Variants in UBR4 observed in about 807,000 individuals in gnomAD.
UBR4 encodes the protein ubiquitin protein ligase E3 component n-recognin 4.
Under a neutral mutation model 575.6 loss-of-function variants are expected in UBR4, and 124 were observed. The ratio of observed to expected loss-of-function variants is 0.22; its 90% CI spans 0.19 to 0.25. The LOEUF (loss-of-function observed/expected upper bound fraction) is 0.25. Among genes scored for constraint, UBR4 ranks in the 10% least tolerant of loss-of-function variants. UBR4 has a pLI of 1.00. For missense variants in UBR4, 4,818 were observed against 6,478.8 expected (o/e 0.74, Z 8.80); for synonymous variants, 2,455 against 2,473.7 (o/e 0.99, Z 0.22).
chr1:19,207,602 C>A (rs1338486257), intron 1 of UBR4, among the ~76,000 whole-genome samples: 1 of 152,162 alleles, frequency 6.6e-6, no homozygotes, highest in Non-Finnish European at 1.5e-5. Context: ...GCACTCCAGC[C>A]TGGGTGACAC....
chr1:19,166,213 C>T (rs6663221), intron 29 of UBR4, among the ~76,000 whole-genome samples: 65,545 of 152,060 alleles, frequency 0.43, 14,650 homozygotes, highest in East Asian at 0.76. Context: ...TTCATTTGTA[C>T]AATTCTCCGT....
chr1:19,156,330 C>A lies in UBR4; in HGVS notation c.6013G>T (p.Ala2005Ser), dbSNP rs775361101. The A allele has an allele frequency of 6.2e-7, 1 of 1,614,202 alleles. No individual in the cohort carries two copies. The highest frequency in any genetic ancestry group is 8.5e-7 in the Non-Finnish European group (1 of 1,180,034). ...QLATGNFIIK[A>S]VWLPGSQTEL... ...GTCTGTGAACCAGGTAACCACACGG[C>A]TTTGATGATGAAGTTCCCCGTTGCC... The change falls in exon 42 of 106, where the codon GCC becomes TCC. Residue 2005 changes from alanine to serine, a missense_variant. Physicochemically the swap from Ala to Ser is moderately conservative, Grantham distance 99. This residue lies in a region of UBR4 where 461 missense variants were observed against 606.9 expected (regional missense o/e 0.76). Coordinates refer to ENST00000375254, the MANE Select transcript of UBR4 (RefSeq NM_020765.3).
At chr1:19,186,213 C>T (rs1216364254) in intron 14 of UBR4, among the ~76,000 whole-genome samples, 1 of 152,138 alleles carries the variant, frequency 6.6e-6, no homozygotes, top group Non-Finnish European at 1.5e-5. Flanking sequence ...TTGAGTTTCA[C>T]TGAGAAAGCT....
At position 19,183,854 on chromosome 1, in the gene UBR4, T is replaced by C. The variant is rs374947309; in HGVS notation, c.2141A>G (p.Asn714Ser). 75 of 1,614,142 alleles carry C rather than the reference T, an allele frequency of 4.6e-5. No individual in the cohort carries two copies. The highest frequency in any genetic ancestry group is 1.7e-4 in the Middle Eastern group (1 of 6,060). The stretch of plus-strand genomic sequence containing the variant: ...AAGGTCAGAGGTTACCAGTGAGTGG[T>C]TGAAGTGATAGAGAGCTGCAGCAAA... Reference protein sequence around the residue: ...EEFAAALYHFNHSLVTSDLQS... With the variant: ...EEFAAALYHFSHSLVTSDLQS... The change falls in exon 17 of 106, where the codon AAC becomes AGC. Residue 714 changes from asparagine (N) to serine (S), a missense_variant. Transcript: ENST00000375254.
chr1:19,143,215 AAAGG>A lies in UBR4; in HGVS notation c.8179+761_8179+764del, dbSNP rs1315545733. 2.0e-3 allele frequency among the ~76,000 whole-genome samples: 242 copies of A among 119,290 alleles called. 3 individuals carry two copies. The highest frequency in any genetic ancestry group is 3.5e-3 in the Middle Eastern group (1 of 288). 78.3% of individuals were successfully genotyped at this position (119,290 alleles called of 152,430 possible). On this transcript the variant is annotated intron_variant, in intron 55 of 105. Transcript: ENST00000375254. The stretch of plus-strand genomic sequence containing the variant: ...AAAGGAAGGAAGGAAGGAAGGAAAG[AAAGG>A]AAGGAAGGAAGGAAGGCAGGAAGGA...
At chr1:19,197,015 G>T in intron 8 of UBR4, 126 bp downstream of exon 8, 2 of 1,185,024 alleles carry the variant, frequency 1.7e-6, no homozygotes, top group Middle Eastern at 2.0e-4. Flanking sequence ...TTGATGCGAC[G>T]TTAGATGATC....
chr1:19,140,985 C>T, intron 57 of UBR4, 93 bp from the exon 58 acceptor site: 1 of 1,320,502 alleles, frequency 7.6e-7, no homozygotes. Context: ...AGTCTCCAAA[C>T]ACCAGCATGT....
chr1:19,199,255 C>T (rs912913180), intron 3 of UBR4, among the ~76,000 whole-genome samples: 4 of 152,164 alleles, frequency 2.6e-5, no homozygotes, highest in Non-Finnish European at 5.9e-5. Context: ...AGTGGTTAGC[C>T]CCTTTAGTTG....
At chr1:19,184,994 A>G (rs1278644120) in intron 15 of UBR4, 105 bp downstream of exon 15, 4 of 1,393,094 alleles carry the variant, frequency 2.9e-6, no homozygotes, top group Non-Finnish European at 4.0e-6. Flanking sequence ...ATCTTTAAAC[A>G]TTACAGTTAT....
Position 19,106,883 on chromosome 1 carries a change from G to T in UBR4, c.12189C>A (p.Asp4063Glu). The T allele has an allele frequency of 5.6e-6, 9 of 1,613,804 alleles. No individual in the cohort carries two copies. The highest frequency in any genetic ancestry group is 6.8e-6 in the Non-Finnish European group (8 of 1,179,996). Residue 4063 changes from aspartate to glutamate, a missense_variant, in exon 82 of 106, where the codon GAC (aspartate) becomes GAA (glutamate). By Grantham distance (45) the Asp-to-Glu change is conservative. Coordinates refer to ENST00000375254, the MANE Select transcript of UBR4 (RefSeq NM_020765.3). ...HAQAQLWLKR[D>E]PKASYDAWKK... Reference sequence around the variant, plus strand: ...TCCAGGCATCATAGGATGCCTTGGGGTCTCTCTTGAGCCACAGTTGAGCCT... The same window carrying T: ...TCCAGGCATCATAGGATGCCTTGGGTTCTCTCTTGAGCCACAGTTGAGCCT...
Position 19,155,380 on chromosome 1 carries a change from A to G in UBR4, c.6300+61T>C, listed in dbSNP as rs975712509. 7.5e-6 allele frequency: 11 copies of G among 1,474,736 alleles called. No individual in the cohort carries two copies. In the African/African-American group the frequency reaches 1.3e-4, roughly 17 times the overall value. 91.4% of individuals were successfully genotyped at this position (1,474,736 alleles called of 1,614,324 possible). A position where few individuals can be genotyped will look rare whatever the true frequency, so the allele number is the denominator to read the frequency against. On this transcript the variant is annotated intron_variant, in intron 43 of 105. Transcript: ENST00000375254. ...GTTATAAAAGAACAAAGAAAAAAGA[A>G]TAGAGGAGTTGCTAAATAATTAAAT...
At position 19,150,669 on chromosome 1, in the gene UBR4, G is replaced by C; in HGVS notation, c.7338C>G (p.Ser2446Arg). The change falls in exon 49 of 106, where the codon AGC (serine) becomes AGG (arginine). Residue 2446 changes from serine (S) to arginine (R), a missense_variant. By Grantham distance (110) the Ser-to-Arg change is moderately radical (BLOSUM62 -1). Around this residue, in one of 29 missense-constraint regions of UBR4, gnomAD observed 340 missense variants for 375.4 expected, o/e 0.91. Coordinates refer to ENST00000375254, the MANE Select transcript of UBR4 (RefSeq NM_020765.3). The part of the protein sequence containing the change: ...PPEEFPSASV[S>R]NICPSNLNQS... ...GGTTCAGATTTGAAGGGCAGATGTT[G>C]CTGACAGAGGCAGAAGGGAATTCTT... is the stretch of plus-strand genomic sequence containing the variant. 1 of 1,614,144 alleles carries C rather than the reference G, an allele frequency of 6.2e-7. No homozygotes were observed. Among genetic ancestry groups the C allele is most frequent in the Non-Finnish European group, 8.5e-7 (1 of 1,180,016 alleles).
intron 1 of UBR4, among the ~76,000 whole-genome samples, chr1:19,205,522 T>C (rs2092961238): frequency 6.6e-6 from 1 of 152,176 alleles, no homozygotes; most frequent in South Asian, 2.1e-4. Context: ...CTGAAAACTG[T>C]CTTTCAGATA....
At chr1:19,171,919 G>A (rs2089612373) in intron 25 of UBR4, among the ~76,000 whole-genome samples, 5 of 152,124 alleles carry the variant, frequency 3.3e-5, no homozygotes, top group Admixed American at 3.3e-4. Context: ...ATAAGCTTAA[G>A]AGAGCCCGGT....
At chr1:19,146,195 T>C in intron 52 of UBR4, 1 of 1,127,268 alleles carries the variant, frequency 8.9e-7, no homozygotes, top group South Asian at 1.5e-5. Context: ...TTCAAAGATC[T>C]CAGTTCCAAC....
chr1:19,114,433 C>T (rs2080249304), intron 75 of UBR4, among the ~76,000 whole-genome samples: 1 of 152,104 alleles, frequency 6.6e-6, no homozygotes, highest in African/African-American at 2.4e-5. Context: ...TCTAGAACCT[C>T]CCCCCGCCCC....
Position 19,153,485 on chromosome 1 carries a change from A to G in UBR4, c.6648T>C (p.Ala2216=), listed in dbSNP as rs2150326214. ...GCTCATTGCAGGCCGTGTGCCTAATAGCAACCATGTCTTGGATCTAGGAGG... is the reference window on the plus strand; with the variant it reads ...GCTCATTGCAGGCCGTGTGCCTAATGGCAACCATGTCTTGGATCTAGGAGG... ...PAKAKIQDMV[A]IRHTACNEQQ... The change falls in exon 46 of 106, where the codon GCT becomes GCC. Residue 2216 remains alanine (A), a synonymous_variant. Coordinates refer to ENST00000375254, the MANE Select transcript of UBR4 (RefSeq NM_020765.3). The surrounding 1 kb of genome is among the most constrained non-coding windows in gnomAD (Gnocchi z 4.1). The G allele has an allele frequency of 6.2e-7, 1 of 1,614,114 alleles. No individual in the cohort carries two copies. Among genetic ancestry groups the G allele is most frequent in the African/African-American group, 1.3e-5 (1 of 75,034 alleles).
chr1:19,165,215 T>C, intron 31 of UBR4, 34 bp downstream of exon 31: 6 of 1,585,810 alleles, frequency 3.8e-6, no homozygotes, highest in Non-Finnish European at 4.3e-6. Context: ...ACATCAAAGT[T>C]CCCATAAGAA....
chr1:19,166,363 T>C (rs2088385809), intron 29 of UBR4, among the ~76,000 whole-genome samples: 2 of 152,184 alleles, frequency 1.3e-5, no homozygotes, highest in South Asian at 4.1e-4. Flanking sequence ...TAGAAATCAA[T>C]TTCAGTGAGC....
Sources: gnomAD v4.1 joint callset for allele counts (sites outside exome capture counted in the v4.1 genomes callset) on GRCh38, gnomAD v4.1.1 for gene constraint, gnomAD v4.1.1 regional missense constraint, Gnocchi (gnomAD v3.1) non-coding constraint, MANE v1.5 for transcripts, NCBI Gene and HGNC (gene_info 2026-07-23, HGNC 2026-07-21) for gene names.